The following MYO9A variants were observed in gnomAD, a reference collection of about 807,000 sequenced individuals.
MYO9A encodes unconventional myosin-IXa.
A neutral mutation model predicts 293.3 loss-of-function variants in MYO9A; 103 were observed. The observed-to-expected ratio is 0.35, with a 90% CI of 0.30 to 0.41. The LOEUF is 0.41. Ranked by LOEUF, MYO9A falls within the 10% of genes least tolerant of loss-of-function variation. MYO9A has a pLI of 1.00. For missense variants in MYO9A, 2,685 were observed against 3,033.0 expected (o/e 0.89, Z 2.69); for synonymous variants, 1,001 against 1,035.7 (o/e 0.97, Z 0.64).
At chr15:72,064,082 C>T (rs1006331773) in intron 1 of MYO9A, among the ~76,000 whole-genome samples, 3 of 152,142 alleles carry the variant, frequency 2.0e-5, no homozygotes, top group African/African-American at 7.2e-5. Flanking sequence ...TTTGCATTAT[C>T]TCATTCATTT....
intron 3 of MYO9A, among the ~76,000 whole-genome samples, chr15:72,028,942 T>C (rs768530176): frequency 3.7e-4 from 57 of 152,098 alleles, no homozygotes; most frequent in Non-Finnish European, 6.6e-4. Context: ...TACAAATTAG[T>C]AGAGAAAGGA....
At chr15:72,073,037 T>C (rs116500049) in intron 1 of MYO9A, among the ~76,000 whole-genome samples, 83 of 152,328 alleles carry the variant, frequency 5.4e-4, no homozygotes, top group African/African-American at 2.0e-3. Context: ...TAAGTAGACA[T>C]ATTTCCCTTT....
chr15:71,936,971 G>T (rs144275810), intron 16 of MYO9A, among the ~76,000 whole-genome samples: 13 of 150,702 alleles, frequency 8.6e-5, no homozygotes, highest in African/African-American at 2.9e-4. Context: ...GAGAGAGAGA[G>T]GAGAGAGTGA....
At chr15:72,037,355 C>G (rs1300695772) in intron 2 of MYO9A, among the ~76,000 whole-genome samples, 1 of 150,426 alleles carries the variant, frequency 6.6e-6, no homozygotes, top group Non-Finnish European at 1.5e-5. Flanking sequence ...CTGAAATATT[C>G]ATGGGCATAT....
intron 27 of MYO9A, among the ~76,000 whole-genome samples, chr15:71,885,736 T>C (rs1371933331): frequency 6.6e-6 from 1 of 152,162 alleles, no homozygotes; most frequent in African/African-American, 2.4e-5. Context: ...CCTTCGGTTC[T>C]GTAAAATTTG....
chr15:72,103,417 C>CAGCAGAAGCAGCAGCAGCAGA lies in MYO9A; in HGVS notation c.-72+14242_-72+14262dup, dbSNP rs1385617555. On this transcript the variant is annotated intron_variant, in intron 1 of 41. Coordinates refer to ENST00000356056, the MANE Select transcript of MYO9A (RefSeq NM_006901.4). ...AGAAGCAGCAGCAAGCAGCAAGCAGCAGCAGAAGCAGCAGCAGCAGAAGCA... is the reference window on the plus strand; with the variant it reads ...AGAAGCAGCAGCAAGCAGCAAGCAGCAGCAGAAGCAGCAGCAGCAGAAGCAGAAGCAGCAGCAGCAGAAGCA... Among the ~76,000 whole-genome samples, 3 of 138,484 alleles carry CAGCAGAAGCAGCAGCAGCAGA rather than the reference C, an allele frequency of 2.2e-5. No homozygotes were observed. The East Asian group carries it at 6.4e-4, about 30-fold the overall frequency. 90.9% of individuals were successfully genotyped at this position (138,484 alleles called of 152,430 possible). A position where few individuals can be genotyped will look rare whatever the true frequency, so the allele number is the denominator to read the frequency against.
rs1596373265 is a variant in MYO9A, at chr15:72,010,500, T to A, written c.1156-53A>T. On this transcript the variant is annotated intron_variant, in intron 6 of 41. Transcript: ENST00000356056. ...ATCAAGATTATATATTTTAAAATAA[T>A]GTGGGCCATTCAGAAATATGGTAAT... 2.7e-6 allele frequency: 4 copies of A among 1,465,216 alleles called. No individual in the cohort carries two copies. In the East Asian group the frequency reaches 9.9e-5, roughly 36 times the overall value. 90.8% of individuals were successfully genotyped at this position (1,465,216 alleles called of 1,614,324 possible).
rs546990230 is a variant in MYO9A, at chr15:72,023,035, C to T, written c.999-2018G>A. Among the ~76,000 whole-genome samples, 51 of 152,108 alleles carry T rather than the reference C, an allele frequency of 3.4e-4. 1 individual carries two copies. In the South Asian group the frequency reaches 6.8e-3, roughly 20 times the overall value. The stretch of plus-strand genomic sequence containing the variant: ...GTGTTCAATGAACTACAGAAAGTCA[C>T]ATTTAATGAACTAAAGAAAACTATG... On this transcript the variant is annotated intron_variant, in intron 4 of 41. Transcript: ENST00000356056.
chr15:72,020,138 A>G (rs1416737351), intron 5 of MYO9A, among the ~76,000 whole-genome samples: 1 of 152,164 alleles, frequency 6.6e-6, no homozygotes, highest in Non-Finnish European at 1.5e-5. Flanking sequence ...CTTCGTAAGG[A>G]TTTTTTTAAT....
At chr15:72,037,260 GCAA>G (rs1444879659) in intron 2 of MYO9A, among the ~76,000 whole-genome samples, 5 of 46,548 alleles carry the variant, frequency 1.1e-4, no homozygotes, top group Admixed American at 2.7e-4. Flanking sequence ...ACAGAATGGG[GCAA>G]AAAAAAAAAA....
intron 1 of MYO9A, among the ~76,000 whole-genome samples, chr15:72,101,278 T>C: frequency 9.2e-6 from 1 of 108,754 alleles, no homozygotes; most frequent in Non-Finnish European, 1.9e-5. Context: ...AGCCGCCCCG[T>C]CAGGGAGGGA....
chr15:71,924,553 ATTTT>A (rs1201758284), intron 18 of MYO9A, among the ~76,000 whole-genome samples: 6 of 151,948 alleles, frequency 3.9e-5, no homozygotes, highest in Non-Finnish European at 7.4e-5. Flanking sequence ...CCAATTTGAA[ATTTT>A]TTTAACTTAT....
intron 1 of MYO9A, among the ~76,000 whole-genome samples, chr15:72,100,981 C>T (rs1383030018): frequency 2.4e-5 from 3 of 127,536 alleles, no homozygotes; most frequent in African/African-American, 8.7e-5. Context: ...GGGGGTCAGC[C>T]CCCCGCCTGG....
chr15:71,935,297 A>T, intron 17 of MYO9A, 44 bp downstream of exon 17: 1 of 1,515,912 alleles, frequency 6.6e-7, no homozygotes, highest in East Asian at 2.3e-5. Context: ...ACCAGACAAA[A>T]AACAAAAAAC....
intron 1 of MYO9A, among the ~76,000 whole-genome samples, chr15:72,077,310 G>T (rs987117519): frequency 6.6e-6 from 1 of 152,090 alleles, no homozygotes; most frequent in Non-Finnish European, 1.5e-5. Context: ...TCTGCAAAAG[G>T]CACCGTTAAG....
chr15:72,101,758 C>T (rs1172141792), intron 1 of MYO9A, among the ~76,000 whole-genome samples: 2 of 145,558 alleles, frequency 1.4e-5, no homozygotes, highest in Non-Finnish European at 3.1e-5. Flanking sequence ...GCCCGGCCGC[C>T]CCTACTGGGA....
At chr15:72,100,393 A>C (rs555615635) in intron 1 of MYO9A, among the ~76,000 whole-genome samples, 1 of 151,970 alleles carries the variant, frequency 6.6e-6, no homozygotes, top group Admixed American at 6.5e-5. Context: ...CCGTCTGGGA[A>C]GTGAGGAGCG....
In MYO9A at chr15:71,968,015, T is replaced by A. The variant is rs2075920029; in HGVS notation, c.1955A>T (p.His652Leu). ...AVMEPAFIIK[H>L]YAGKVKYGVK... Reference sequence around the variant, plus strand: ...CCCATATTTTACTTTTCCAGCATAATGTTTTATAATGAAAGCAGGCTCCAT... The same window carrying A: ...CCCATATTTTACTTTTCCAGCATAAAGTTTTATAATGAAAGCAGGCTCCAT... The change falls in exon 13 of 42, where the codon CAT becomes CTT. Residue 652 changes from histidine to leucine, a missense_variant. Coordinates refer to ENST00000356056, the MANE Select transcript of MYO9A (RefSeq NM_006901.4). 1.2e-6 allele frequency: 2 copies of A among 1,611,342 alleles called. No individual in the cohort carries two copies. The highest frequency in any genetic ancestry group is 1.7e-6 in the Non-Finnish European group (2 of 1,178,992).
chr15:71,870,890 G>A (rs993688057), intron 32 of MYO9A, among the ~76,000 whole-genome samples: 4 of 151,934 alleles, frequency 2.6e-5, no homozygotes, highest in Non-Finnish European at 5.9e-5. Flanking sequence ...TGGATGTGCT[G>A]GGCCAACTGT....
Sources: allele counts gnomAD v4.1 joint callset (sites outside exome capture counted in the v4.1 genomes callset), GRCh38; gene constraint gnomAD v4.1.1; transcripts MANE v1.5; gene names NCBI Gene and HGNC (gene_info 2026-07-23, HGNC 2026-07-21).